DRD3: variants seen among roughly 807,000 people sequenced by gnomAD.
DRD3 encodes dopamine receptor D3.
A neutral mutation model predicts 36.3 loss-of-function variants in DRD3; 19 were observed. The ratio of observed to expected loss-of-function variants is 0.52; its 90% CI spans 0.36 to 0.77. The LOEUF (loss-of-function observed/expected upper bound fraction) is 0.77. DRD3 is among the 30% of genes least tolerant of loss of function. The pLI, the probability that DRD3 is intolerant of heterozygous loss-of-function variation, is 0.00. For synonymous variants in DRD3, 195 were observed against 203.7 expected, an observed-to-expected ratio of 0.96 and a Z score of 0.36; for missense variants, 465 against 505.3, an observed-to-expected ratio of 0.92 and a Z score of 0.77.
Position 114,152,117 on chromosome 3 carries a change from T to A in DRD3, c.384-4560A>T, listed in dbSNP as rs572446393. 3.9e-5 allele frequency among the ~76,000 whole-genome samples: 6 copies of A among 152,342 alleles called. No individual in the cohort carries two copies. In the South Asian group the frequency reaches 1.2e-3, roughly 32 times the overall value. Reference sequence around the variant, plus strand: ...TTATTGGGGTACAGGTAGTATTTGGTTACATAAGTTCTTCGTGGTGATTCG... The same window carrying A: ...TTATTGGGGTACAGGTAGTATTTGGATACATAAGTTCTTCGTGGTGATTCG... On this transcript the variant is annotated intron_variant, in intron 3 of 6. Transcript: ENST00000383673.
chr3:114,149,554 T>C (rs2077598555), intron 3 of DRD3, among the ~76,000 whole-genome samples: 1 of 152,188 alleles, frequency 6.6e-6, no homozygotes, highest in Admixed American at 6.5e-5. Context: ...ATCCCCTCCG[T>C]TGAGTGTAGG....
chr3:114,189,040 C>A (rs895214103), intron 1 of DRD3, among the ~76,000 whole-genome samples: 1 of 152,134 alleles, frequency 6.6e-6, no homozygotes, highest in African/African-American at 2.4e-5. Flanking sequence ...TCCACTTGTA[C>A]GTATATTTTA....
chr3:114,136,657 T>A (rs1289713176), intron 5 of DRD3, among the ~76,000 whole-genome samples: 1 of 152,224 alleles, frequency 6.6e-6, no homozygotes, highest in African/African-American at 2.4e-5. Flanking sequence ...GTGTAGAAAG[T>A]CATTAACTAT....
At chr3:114,180,384 GT>G (rs1476795888), upstream of DRD3, among the ~76,000 whole-genome samples, 1 of 152,060 alleles carries the variant, frequency 6.6e-6, no homozygotes, top group Non-Finnish European at 1.5e-5. Context: ...TCTTTGAAGT[GT>G]GAGTTAAGTT....
At chr3:114,167,495 T>C (rs1284069200) in intron 2 of DRD3, among the ~76,000 whole-genome samples, 2 of 152,242 alleles carry the variant, frequency 1.3e-5, no homozygotes, top group African/African-American at 4.8e-5. Flanking sequence ...AGAAGCCCTC[T>C]GAAATATAAT....
chr3:114,169,824 C>T (rs918209470), intron 2 of DRD3, among the ~76,000 whole-genome samples: 3 of 152,154 alleles, frequency 2.0e-5, no homozygotes, highest in African/African-American at 7.2e-5. Flanking sequence ...CCAGTACATA[C>T]AGATGTTTTC....
In DRD3 at chr3:114,150,796, G is replaced by T. The variant is rs538900520; in HGVS notation, c.384-3239C>A. Reference sequence around the variant, plus strand: ...AAGGGATCGGGCAAGGCTTCCTGAGGCTCCTCCTGTGTGTTTCCCCTGCTC... The same window carrying T: ...AAGGGATCGGGCAAGGCTTCCTGAGTCTCCTCCTGTGTGTTTCCCCTGCTC... On this transcript the variant is annotated intron_variant, in intron 3 of 6. Transcript: ENST00000383673. Among the ~76,000 whole-genome samples the T allele has an allele frequency of 2.6e-5, 4 of 152,338 alleles. No individual in the cohort carries two copies. In the South Asian group the frequency reaches 8.3e-4, roughly 32 times the overall value.
intron 4 of DRD3, among the ~76,000 whole-genome samples, chr3:114,141,338 CA>C (rs1465293114): frequency 2.0e-5 from 3 of 152,126 alleles, no homozygotes; most frequent in African/African-American, 7.2e-5. Context: ...CCAGCTGACA[CA>C]TTTCTTAAAT....
At chr3:114,148,854 A>G (rs2077592240) in intron 3 of DRD3, among the ~76,000 whole-genome samples, 1 of 152,112 alleles carries the variant, frequency 6.6e-6, no homozygotes, top group South Asian at 2.1e-4. Flanking sequence ...CTGGGACTAC[A>G]GGCGCCTGCC....
upstream of DRD3, among the ~76,000 whole-genome samples, chr3:114,179,808 C>A (rs2107896516): frequency 6.6e-6 from 1 of 152,254 alleles, no homozygotes; most frequent in South Asian, 2.1e-4. Context: ...ATGATGGAGA[C>A]CTCTGCTGGC....
chr3:114,168,171 AG>A (rs2077804155), intron 2 of DRD3, among the ~76,000 whole-genome samples: 1 of 152,222 alleles, frequency 6.6e-6, no homozygotes, highest in South Asian at 2.1e-4. Flanking sequence ...ATAGATCAAA[AG>A]TTTTGGTTAT....
intron 1 of DRD3, among the ~76,000 whole-genome samples, chr3:114,192,675 C>T (rs1458958999): frequency 1.3e-5 from 2 of 152,144 alleles, no homozygotes; most frequent in African/African-American, 4.8e-5. Flanking sequence ...ATCGAGCTTC[C>T]AATCCTAAAG....
Position 114,131,273 on chromosome 3 carries a change from T to C in DRD3, c.851A>G (p.Asn284Ser), listed in dbSNP as rs1257037938. ...GGGCGCTATGGTGGGACTCAGGGAA[T>C]TCCGAGTCTTCTCCTCTCTTTTCAA... Reference protein sequence around the residue: ...GELKREEKTRNSLSPTIAPKL... With the variant: ...GELKREEKTRSSLSPTIAPKL... The change falls in exon 6 of 7, where the codon AAT (asparagine) becomes AGT (serine). Residue 284 changes from asparagine (N) to serine (S), a missense_variant. By Grantham distance (46) the Asn-to-Ser change is conservative. Transcript: ENST00000383673. The C allele has an allele frequency of 6.2e-7, 1 of 1,614,106 alleles. No homozygotes were observed. Among genetic ancestry groups the C allele is most frequent in the East Asian group, 2.2e-5 (1 of 44,906 alleles).
chr3:114,168,480 T>G (rs928077968), intron 2 of DRD3, among the ~76,000 whole-genome samples: 1 of 152,218 alleles, frequency 6.6e-6, no homozygotes, highest in Non-Finnish European at 1.5e-5. Flanking sequence ...GGTGGCCTCA[T>G]GACTAAGTTC....
chr3:114,131,096 G>A lies in DRD3; in HGVS notation c.1006+22C>T, dbSNP rs373127350. ...ACACAACCTAACCCAACCCAACACAGCTCAAGCCAACCCAAACTTACCAAG... is the reference window on the plus strand; with the variant it reads ...ACACAACCTAACCCAACCCAACACAACTCAAGCCAACCCAAACTTACCAAG... On this transcript the variant is annotated intron_variant, in intron 6 of 6. Coordinates refer to ENST00000383673, the MANE Select transcript of DRD3 (RefSeq NM_000796.6). The A allele has an allele frequency of 1.9e-6, 3 of 1,608,122 alleles. No homozygotes were observed. The African/African-American group carries it at 4.0e-5, about 22-fold the overall frequency.
intron 3 of DRD3, among the ~76,000 whole-genome samples, chr3:114,149,054 G>A (rs1168067365): frequency 1.3e-5 from 2 of 152,178 alleles, no homozygotes; most frequent in African/African-American, 4.8e-5. Flanking sequence ...TATTTATTGA[G>A]TCCCAACTAT....
At chr3:114,195,726 G>A (rs1292928241) in intron 1 of DRD3, among the ~76,000 whole-genome samples, 2 of 151,896 alleles carry the variant, frequency 1.3e-5, no homozygotes, top group Non-Finnish European at 2.9e-5. Flanking sequence ...GATACCAAAG[G>A]GTTAAATATA....
chr3:114,166,405 C>T (rs992576244), intron 2 of DRD3, among the ~76,000 whole-genome samples: 2 of 152,166 alleles, frequency 1.3e-5, no homozygotes, highest in Non-Finnish European at 1.5e-5. Context: ...TGGGGTCTAA[C>T]GAGAGGTGAT....
At chr3:114,166,281 C>T (rs1268324858) in intron 2 of DRD3, among the ~76,000 whole-genome samples, 2 of 152,062 alleles carry the variant, frequency 1.3e-5, no homozygotes, top group African/African-American at 2.4e-5. Context: ...CCACCGTACC[C>T]GGCCAACAGT....
Sources: allele counts gnomAD v4.1 joint callset (sites outside exome capture counted in the v4.1 genomes callset), GRCh38; gene constraint gnomAD v4.1.1; transcripts MANE v1.5; gene names NCBI Gene and HGNC (gene_info 2026-07-23, HGNC 2026-07-21).